The following KDM4B variants were observed in gnomAD, a reference collection of about 807,000 sequenced individuals.
The protein encoded by KDM4B is lysine demethylase 4B.
Under a neutral mutation model 125.2 loss-of-function variants are expected in KDM4B, and 32 were observed. The observed-to-expected ratio is 0.26, with a 90% CI of 0.19 to 0.34. The LOEUF is 0.34. Among genes scored for constraint, KDM4B ranks in the 10% least tolerant of loss-of-function variants. KDM4B has a pLI of 1.00. For missense variants in KDM4B, 1,190 were observed against 1,577.7 expected (o/e 0.75, Z 4.16); for synonymous variants, 721 against 677.9 (o/e 1.06, Z -0.99).
At chr19:5,005,355 T>C (rs926159178) in intron 1 of KDM4B, among the ~76,000 whole-genome samples, 2 of 152,168 alleles carry the variant, frequency 1.3e-5, no homozygotes, top group Non-Finnish European at 2.9e-5. Flanking sequence ...CATAGATCAG[T>C]GTGGGCACCT....
intron 1 of KDM4B, among the ~76,000 whole-genome samples, chr19:5,005,241 G>A (rs978627987): frequency 1.3e-5 from 2 of 151,554 alleles, no homozygotes; most frequent in Admixed American, 6.6e-5. Context: ...GGTGGCACAA[G>A]TATGGAGAAC....
intron 7 of KDM4B, chr19:5,074,582 G>GGAGA (rs947046107): frequency 1.3e-5 from 2 of 152,244 alleles, no homozygotes; most frequent in African/African-American, 2.4e-5. Context: ...GAGGAACTGC[G>GGAGA]GAGAGGCCGC....
intron 9 of KDM4B, among the ~76,000 whole-genome samples, chr19:5,084,228 C>G (rs2038395210): frequency 6.7e-6 from 1 of 149,964 alleles, no homozygotes; most frequent in African/African-American, 2.5e-5. Flanking sequence ...GCCTGGGCAA[C>G]AAGAGCGAAA....
rs188836333 is a variant in KDM4B, at chr19:4,992,410, A to G, written c.-109+23180A>G. The stretch of plus-strand genomic sequence containing the variant: ...CTTTTTAAAAACTGTATAGGCAATT[A>G]TAAATTTCCCTCTAAGTACTGCTTT... On this transcript the variant is annotated intron_variant, in intron 1 of 22. Transcript: ENST00000159111. Among the ~76,000 whole-genome samples the G allele has an allele frequency of 2.9e-4, 44 of 151,960 alleles. No individual in the cohort carries two copies. The East Asian group carries it at 8.3e-3, about 29-fold the overall frequency.
At chr19:5,119,512 G>A (rs1002965132) in intron 10 of KDM4B, 141 bp from the exon 11 acceptor site, 46 of 849,650 alleles carry the variant, frequency 5.4e-5, no homozygotes, top group Middle Eastern at 4.9e-4. Flanking sequence ...CTTTACCCCC[G>A]GCCTCCAGCC....
At chr19:5,070,854 A>C (rs1298674277) in intron 6 of KDM4B, 156 bp from the exon 7 acceptor site, 2 of 612,746 alleles carry the variant, frequency 3.3e-6, no homozygotes, top group Non-Finnish European at 2.7e-6. Context: ...GAAAGCCCCC[A>C]CCCCCGGCCA....
At chr19:4,982,452 CAAAA>C (rs773410154) in intron 1 of KDM4B, among the ~76,000 whole-genome samples, 7 of 53,616 alleles carry the variant, frequency 1.3e-4, no homozygotes, top group Admixed American at 1.1e-3. Flanking sequence ...GACTCCGTCT[CAAAA>C]AAAAAAAAAA....
At chr19:5,062,852 C>T (rs548915647) in intron 6 of KDM4B, among the ~76,000 whole-genome samples, 5 of 143,916 alleles carry the variant, frequency 3.5e-5, no homozygotes, top group African/African-American at 5.1e-5. Flanking sequence ...GCAGTCATGG[C>T]TCACTGCAGC....
At chr19:5,088,577 G>A (rs560939347) in intron 9 of KDM4B, among the ~76,000 whole-genome samples, 43 of 151,790 alleles carry the variant, frequency 2.8e-4, no homozygotes, top group African/African-American at 9.4e-4. Flanking sequence ...AACCTAGGCC[G>A]TTCATCTGTG....
intron 10 of KDM4B, among the ~76,000 whole-genome samples, chr19:5,118,362 C>T (rs914084415): frequency 6.6e-6 from 1 of 152,214 alleles, no homozygotes; most frequent in Non-Finnish European, 1.5e-5. Flanking sequence ...GCAGGCTTGA[C>T]GTGGCTGGAT....
chr19:4,989,330 T>A (rs1436845912), intron 1 of KDM4B, among the ~76,000 whole-genome samples: 2 of 151,348 alleles, frequency 1.3e-5, no homozygotes, highest in East Asian at 3.9e-4. Context: ...TTTTTCTTTG[T>A]TTTTTTTTGT....
chr19:5,149,625 C>T (rs373226316), intron 21 of KDM4B, among the ~76,000 whole-genome samples: 4 of 152,222 alleles, frequency 2.6e-5, no homozygotes, highest in African/African-American at 4.8e-5. Context: ...CCTGGAGACA[C>T]GCCCCTCCCT....
At chr19:5,122,675 G>T (rs75901554) in intron 11 of KDM4B, among the ~76,000 whole-genome samples, 5 of 152,188 alleles carry the variant, frequency 3.3e-5, no homozygotes, top group Non-Finnish European at 7.3e-5. Flanking sequence ...GAAGACACTC[G>T]CCACCCGTCA....
chr19:5,110,059 A>G (rs992285152), intron 9 of KDM4B, among the ~76,000 whole-genome samples: 33 of 152,150 alleles, frequency 2.2e-4, no homozygotes, highest in Admixed American at 2.2e-3. Flanking sequence ...CAGGCCCCTC[A>G]CTGAGCTGCG....
intron 21 of KDM4B, among the ~76,000 whole-genome samples, chr19:5,149,726 G>A (rs2039913579): frequency 6.6e-6 from 1 of 152,258 alleles, no homozygotes; most frequent in African/African-American, 2.4e-5. Context: ...TAACGAGGAG[G>A]AAGCGGGGTG....
intron 11 of KDM4B, among the ~76,000 whole-genome samples, chr19:5,127,351 G>T (rs916687944): frequency 6.6e-6 from 1 of 152,194 alleles, no homozygotes; most frequent in African/African-American, 2.4e-5. Context: ...GGGGTGTGCC[G>T]CCGTCTTTCA....
chr19:5,141,477 C>G lies in KDM4B; in HGVS notation c.2551-2490C>G, dbSNP rs1316027680. 6.6e-6 allele frequency: 1 copy of G among 152,204 alleles called. No homozygotes were observed. Among genetic ancestry groups the G allele is most frequent in the Admixed American group, 6.5e-5 (1 of 15,280 alleles). The allele number at this position is 152,204 out of a possible 1,614,324, so 9.4% of individuals were successfully genotyped here. Reference sequence around the variant, plus strand: ...GCCTCTTCATTACCGGTGCTTGTAACGATGAATTAAAAATCCTTTTACACG... The same window carrying G: ...GCCTCTTCATTACCGGTGCTTGTAAGGATGAATTAAAAATCCTTTTACACG... On this transcript the variant is annotated intron_variant, in intron 18 of 22. Coordinates refer to ENST00000159111, the MANE Select transcript of KDM4B (RefSeq NM_015015.3). The surrounding 1 kb of genome is among the most constrained non-coding windows in gnomAD (Gnocchi z 6.4).
chr19:5,051,044 G>A (rs957852137), intron 6 of KDM4B, among the ~76,000 whole-genome samples: 2 of 152,196 alleles, frequency 1.3e-5, no homozygotes, highest in Non-Finnish European at 2.9e-5. Context: ...GGCAGCCCCT[G>A]CAGGGCCCAC....
Position 5,131,902 on chromosome 19 carries a change from T to C in KDM4B, c.1801T>C (p.Ser601Pro), listed in dbSNP as rs1199282177. 3 of 1,612,780 alleles carry C rather than the reference T, an allele frequency of 1.9e-6. No homozygotes were observed. Among genetic ancestry groups the C allele is most frequent in the Admixed American group, 3.3e-5 (2 of 59,990 alleles). Residue 601 changes from serine (S) to proline (P), a missense_variant, in exon 13 of 23, where the codon TCC becomes CCC. Physicochemically the swap from Ser to Pro is moderately conservative, Grantham distance 74. Coordinates refer to ENST00000159111, the MANE Select transcript of KDM4B (RefSeq NM_015015.3). ...AGEGQAPSTFSKLKMEIKKSR... is the reference protein window; with the variant it reads ...AGEGQAPSTFPKLKMEIKKSR... Reference sequence around the variant, plus strand: ...TGTGTTTCAGGCACCGTCCACATTTTCCAAATTGAAGATGGAGATCAAGAA... The same window carrying C: ...TGTGTTTCAGGCACCGTCCACATTTCCCAAATTGAAGATGGAGATCAAGAA...
Sources: allele counts gnomAD v4.1 joint callset (sites outside exome capture counted in the v4.1 genomes callset), GRCh38; gene constraint gnomAD v4.1.1; non-coding constraint Gnocchi (gnomAD v3.1); transcripts MANE v1.5; gene names NCBI Gene and HGNC (gene_info 2026-07-23, HGNC 2026-07-21).